The following TBC1D19 variants were observed in gnomAD, a reference collection of about 807,000 sequenced individuals.
The protein encoded by TBC1D19 is TBC1 domain family, member 19.
TBC1D19 carries 60 observed loss-of-function variants against 89.0 expected under a neutral mutation model. That is an observed-to-expected ratio of 0.67 (90% CI 0.55 to 0.84). TBC1D19 has a LOEUF of 0.84. Among genes scored for constraint, TBC1D19 ranks in the 40% least tolerant of loss-of-function variants. The pLI, the probability that TBC1D19 is intolerant of heterozygous loss-of-function variation, is 0.00. For missense variants in TBC1D19, 500 were observed against 610.8 expected (o/e 0.82, Z 1.91); for synonymous variants, 189 against 199.7 (o/e 0.95, Z 0.45).
At chr4:26,655,153 C>T (rs371261981) in intron 7 of TBC1D19, among the ~76,000 whole-genome samples, 4 of 152,200 alleles carry the variant, frequency 2.6e-5, no homozygotes, top group Non-Finnish European at 5.9e-5. Context: ...ACCCTATTTG[C>T]CTGGGTGTCA....
intron 15 of TBC1D19, among the ~76,000 whole-genome samples, chr4:26,732,808 T>G (rs1035381089): frequency 6.6e-6 from 1 of 151,936 alleles, no homozygotes; most frequent in African/African-American, 2.4e-5. Flanking sequence ...AGAGCACAGG[T>G]GAAGATGTTG....
At chr4:26,715,586 G>T (rs983877376) in intron 13 of TBC1D19, among the ~76,000 whole-genome samples, 1 of 152,062 alleles carries the variant, frequency 6.6e-6, no homozygotes, top group African/African-American at 2.4e-5. Context: ...GAAACCCTCA[G>T]CCAATGCTGC....
intron 5 of TBC1D19, among the ~76,000 whole-genome samples, chr4:26,638,115 G>GT (rs1743249602): frequency 2.6e-4 from 40 of 151,542 alleles, no homozygotes; most frequent in African/African-American, 9.1e-4. Context: ...GAGGAGAAAA[G>GT]ATGAGAAAGA....
intron 4 of TBC1D19, among the ~76,000 whole-genome samples, chr4:26,626,236 A>C (rs1742390214): frequency 6.6e-6 from 1 of 152,166 alleles, no homozygotes; most frequent in South Asian, 2.1e-4. Context: ...AAACCTGTTT[A>C]ATTTTATTTA....
At chr4:26,649,505 G>A (rs376459220) in intron 7 of TBC1D19, among the ~76,000 whole-genome samples, 28 of 152,082 alleles carry the variant, frequency 1.8e-4, no homozygotes, top group African/African-American at 6.0e-4. Context: ...ATGCCCATTT[G>A]TAGTCACCCT....
rs35281818 is a variant in TBC1D19, at chr4:26,596,617, G to GTT, written c.99+12338_99+12339dup. Among the ~76,000 whole-genome samples, 810 of 136,436 alleles carry GTT rather than the reference G, an allele frequency of 5.9e-3. 10 individuals carry two copies. Among genetic ancestry groups the GTT allele is most frequent in the Middle Eastern group, 0.011 (3 of 262 alleles). 89.5% of individuals were successfully genotyped at this position (136,436 alleles called of 152,430 possible). ...AGTTCTTTATTATTACTTTCCTCCT[G>GTT]TTTTTTTTTTTTTTGAGATTGATTT... On this transcript the variant is annotated intron_variant, in intron 1 of 20. Coordinates refer to ENST00000264866, the MANE Select transcript of TBC1D19 (RefSeq NM_018317.4).
intron 11 of TBC1D19, among the ~76,000 whole-genome samples, chr4:26,677,674 A>G (rs1712959494): frequency 6.6e-6 from 1 of 152,086 alleles, no homozygotes; most frequent in Admixed American, 6.5e-5. Flanking sequence ...CCCATGTGTC[A>G]TGGGAGGGAC....
chr4:26,754,044 G>A, intron 20 of TBC1D19, 154 bp downstream of exon 20: 1 of 634,808 alleles, frequency 1.6e-6, no homozygotes, highest in South Asian at 2.3e-5. Context: ...TAATACTTAA[G>A]GATTCAAATT....
At chr4:26,706,191 T>C (rs910009688) in intron 13 of TBC1D19, among the ~76,000 whole-genome samples, 4 of 152,194 alleles carry the variant, frequency 2.6e-5, no homozygotes, top group Non-Finnish European at 5.9e-5. Context: ...GTTTTGATTA[T>C]TGATGAATAT....
At chr4:26,645,920 G>A (rs1336203157) in intron 7 of TBC1D19, among the ~76,000 whole-genome samples, 2 of 151,646 alleles carry the variant, frequency 1.3e-5, no homozygotes, top group East Asian at 3.9e-4. Context: ...TCAGGAGATC[G>A]AGACCATCCC....
At position 26,589,199 on chromosome 4, in the gene TBC1D19, C is replaced by T. The variant is rs150176881; in HGVS notation, c.99+4907C>T. On this transcript the variant is annotated intron_variant, in intron 1 of 20. Transcript: ENST00000264866. ...CTGAGGCAGGAGAATTGCTTGAACC[C>T]GGGAGGTGGAGGTTGCAGCGAGCCA... Among the ~76,000 whole-genome samples, 924 of 152,070 alleles carry T rather than the reference C, an allele frequency of 6.1e-3. 16 individuals are homozygous for T. The East Asian group carries it at 0.064, about 11-fold the overall frequency.
intron 15 of TBC1D19, among the ~76,000 whole-genome samples, chr4:26,721,436 A>G (rs1371450764): frequency 6.6e-6 from 1 of 151,758 alleles, no homozygotes; most frequent in Non-Finnish European, 1.5e-5. Flanking sequence ...TATCTTCCAA[A>G]TACGTCTGGA....
At chr4:26,753,940 G>T (rs13145846) in intron 20 of TBC1D19, 50 bp downstream of exon 20, 40 of 1,602,100 alleles carry the variant, frequency 2.5e-5, no homozygotes, top group South Asian at 3.3e-5. Context: ...CTGAGAGATT[G>T]CCAGGCTGTC....
At chr4:26,719,595 A>T (rs1181277204) in intron 14 of TBC1D19, among the ~76,000 whole-genome samples, 1 of 152,078 alleles carries the variant, frequency 6.6e-6, no homozygotes, top group East Asian at 1.9e-4. Flanking sequence ...TCTGATTTCA[A>T]ATATTCAGCC....
At chr4:26,605,246 T>C (rs1740918010) in intron 1 of TBC1D19, among the ~76,000 whole-genome samples, 1 of 131,926 alleles carries the variant, frequency 7.6e-6, no homozygotes, top group East Asian at 2.5e-4. Context: ...ATGTTCCCCT[T>C]CCTGTGTCCA....
the TBC1D19 span, among the ~76,000 whole-genome samples, chr4:26,803,148 A>G: frequency 6.6e-6 from 1 of 152,204 alleles, no homozygotes; most frequent in South Asian, 2.1e-4. Context: ...TCACTTCTCT[A>G]TGCAGATTTC....
At chr4:26,811,249 A>C in the TBC1D19 span, among the ~76,000 whole-genome samples, 18 of 152,334 alleles carry the variant, frequency 1.2e-4, no homozygotes, top group Admixed American at 9.8e-4. Flanking sequence ...GCAAACTAAC[A>C]CAGGAACAGA....
intron 4 of TBC1D19, among the ~76,000 whole-genome samples, chr4:26,624,940 A>T (rs1742299458): frequency 6.6e-6 from 1 of 152,098 alleles, no homozygotes; most frequent in Non-Finnish European, 1.5e-5. Context: ...CCACCAGGTT[A>T]TTCTTTGCCC....
intron 13 of TBC1D19, among the ~76,000 whole-genome samples, chr4:26,703,180 G>C (rs1715467707): frequency 6.6e-6 from 1 of 151,672 alleles, no homozygotes; most frequent in Non-Finnish European, 1.5e-5. Context: ...TCTCTCTTTG[G>C]GAATTATGTA....
Sources: gnomAD v4.1 joint callset for allele counts (sites outside exome capture counted in the v4.1 genomes callset) on GRCh38, gnomAD v4.1.1 for gene constraint, MANE v1.5 for transcripts, NCBI Gene and HGNC (gene_info 2026-07-23, HGNC 2026-07-21) for gene names.